Variants in PPEF1 observed in about 807,000 individuals in gnomAD.
PPEF1 encodes the protein protein phosphatase with EF-hand domain 1, also known as serine/threonine-protein phosphatase with EF-hands 1.
A neutral mutation model predicts 53.3 loss-of-function variants in PPEF1; 12 were observed. The ratio of observed to expected loss-of-function variants is 0.23; its 90% CI spans 0.14 to 0.36. The LOEUF is 0.36. Ranked by LOEUF, PPEF1 falls within the 10% of genes least tolerant of loss-of-function variation. PPEF1 has a pLI of 1.00. For missense variants in PPEF1, 334 were observed against 490.4 expected (o/e 0.68, Z 3.01); for synonymous variants, 165 against 176.7 (o/e 0.93, Z 0.52).
chrX:18,815,960 G>A (rs1399193626), intron 12 of PPEF1, among the ~76,000 whole-genome samples: 3 of 107,459 alleles, frequency 2.8e-5, no homozygotes, highest in African/African-American at 6.7e-5. Flanking sequence ...GAGTGCAATG[G>A]CGTGATCTCG....
intron 1 of PPEF1, among the ~76,000 whole-genome samples, chrX:18,724,551 G>A (rs1451968861): frequency 8.9e-6 from 1 of 112,124 alleles, no homozygotes. Context: ...TTGAATCTAT[G>A]CTGTTGCTTC....
chrX:18,691,666 T>C (rs939466480), intron 4 of PPEF1: 1 of 112,163 alleles, frequency 8.9e-6, no homozygotes, highest in African/African-American at 3.2e-5. Context: ...TCATGCTAGA[T>C]GTCAATCTGA....
chrX:18,748,045 C>T (rs991711516), intron 3 of PPEF1, among the ~76,000 whole-genome samples: 4 of 111,865 alleles, frequency 3.6e-5, no homozygotes, highest in Non-Finnish European at 7.5e-5. Flanking sequence ...TTACTGCCTA[C>T]GTAATGAATC....
At chrX:18,779,310 T>G (rs2046034629) in intron 7 of PPEF1, 134 bp downstream of exon 7, 1 of 570,927 alleles carries the variant, frequency 1.8e-6, no homozygotes, top group Admixed American at 4.1e-5. Context: ...GGACTTCAAT[T>G]CTTACCCCTT....
At chrX:18,743,444 TTC>T (rs1166043339) in intron 3 of PPEF1, among the ~76,000 whole-genome samples, 1 of 95,133 alleles carries the variant, frequency 1.1e-5, no homozygotes, top group African/African-American at 4.1e-5. Flanking sequence ...TTTTCTCTTT[TTC>T]TTTTTTTTTT....
intron 7 of PPEF1, among the ~76,000 whole-genome samples, chrX:18,780,140 G>A (rs142126304): frequency 1.6e-3 from 177 of 111,994 alleles, no homozygotes; most frequent in Non-Finnish European, 1.8e-3. Context: ...TGAAGGAGAC[G>A]TGGCCCCTGC....
intron 3 of PPEF1, among the ~76,000 whole-genome samples, chrX:18,740,438 C>T (rs1447421913): frequency 9.6e-6 from 1 of 103,989 alleles, no homozygotes; most frequent in African/African-American, 3.5e-5. Context: ...GAGACAGAGT[C>T]TCGCTCTGTT....
At chrX:18,696,764 A>G (rs1220475114) in intron 4 of PPEF1, among the ~76,000 whole-genome samples, 1 of 111,338 alleles carries the variant, frequency 9.0e-6, no homozygotes, top group African/African-American at 3.3e-5. Context: ...TCAGGAGGCT[A>G]GCTCAGAGTC....
At chrX:18,816,871 T>A (rs2046927026) in intron 12 of PPEF1, among the ~76,000 whole-genome samples, 1 of 111,818 alleles carries the variant, frequency 8.9e-6, no homozygotes, top group Admixed American at 9.6e-5. Context: ...GCCGTTTGCA[T>A]GGAATTTCCT....
intron 13 of PPEF1, among the ~76,000 whole-genome samples, chrX:18,823,627 C>CAAA (rs759165991): frequency 3.5e-5 from 3 of 84,957 alleles, no homozygotes; most frequent in Admixed American, 1.3e-4. Context: ...GACTCCTTCT[C>CAAA]AAAAAAAAAA....
chrX:18,780,477 A>G (rs1230138115), intron 7 of PPEF1, among the ~76,000 whole-genome samples: 1 of 112,271 alleles, frequency 8.9e-6, no homozygotes, highest in Non-Finnish European at 1.9e-5. Context: ...ATAAGAAATG[A>G]TTGGATGGTT....
intron 1 of PPEF1, among the ~76,000 whole-genome samples, chrX:18,709,502 G>GTTTTTTTTTTTTTTTTTTTTTTTTTT (rs752416903): frequency 9.9e-6 from 1 of 101,093 alleles, no homozygotes. Context: ...TTTGTTTTTT[G>GTTTTTTTTTTTTTTTTTTTTTTTTTT]TTTTTTGTTT....
intron 12 of PPEF1, among the ~76,000 whole-genome samples, chrX:18,811,711 G>C (rs1424272734): frequency 9.6e-6 from 1 of 103,849 alleles, no homozygotes; most frequent in Non-Finnish European, 1.9e-5. Context: ...GGGCTCAATT[G>C]ATCCTCCTGC....
At chrX:18,714,104 A>T (rs932253825) in intron 1 of PPEF1, among the ~76,000 whole-genome samples, 6 of 111,240 alleles carry the variant, frequency 5.4e-5, no homozygotes, top group Non-Finnish European at 9.4e-5. Flanking sequence ...ATAGAAAATG[A>T]TAGATATTAT....
intron 4 of PPEF1, among the ~76,000 whole-genome samples, chrX:18,695,124 A>T (rs1929639848): frequency 8.9e-6 from 1 of 111,873 alleles, no homozygotes; most frequent in African/African-American, 3.3e-5. Context: ...TGAAGGTTTG[A>T]CTGGGGAGGG....
chrX:18,726,338 C>T (rs760818069), intron 1 of PPEF1, among the ~76,000 whole-genome samples: 3 of 102,373 alleles, frequency 2.9e-5, no homozygotes, highest in East Asian at 6.0e-4. Context: ...GGGCTACAGA[C>T]GAGACTCTGA....
chrX:18,734,178 G>A (rs1355138456), intron 3 of PPEF1, among the ~76,000 whole-genome samples: 1 of 108,515 alleles, frequency 9.2e-6, no homozygotes, highest in Non-Finnish European at 1.9e-5. Flanking sequence ...TGTGATCAAC[G>A]TGCAGGTTTG....
intron 3 of PPEF1, among the ~76,000 whole-genome samples, chrX:18,746,927 C>T (rs1026809530): frequency 8.4e-4 from 94 of 111,326 alleles, no homozygotes; most frequent in Non-Finnish European, 4.0e-4. Context: ...AGGGTGGTTT[C>T]GGTCATTACA....
At chrX:18,734,128 TTTATTA>T (rs200557837) in intron 3 of PPEF1, among the ~76,000 whole-genome samples, 1 of 106,116 alleles carries the variant, frequency 9.4e-6, no homozygotes, top group East Asian at 2.9e-4. Context: ...GGGAACCTTA[TTTATTA>T]TTATTATTAT....
Sources: gnomAD v4.1 joint callset for allele counts (sites outside exome capture counted in the v4.1 genomes callset) on GRCh38, gnomAD v4.1.1 for gene constraint, MANE v1.5 for transcripts, NCBI Gene and HGNC (gene_info 2026-07-23, HGNC 2026-07-21) for gene names.